ITFG1: variants seen among roughly 807,000 people sequenced by gnomAD.
The protein encoded by ITFG1 is T-cell immunomodulatory protein.
ITFG1 carries 34 observed loss-of-function variants against 81.8 expected under a neutral mutation model. That is an observed-to-expected ratio of 0.42 (90% CI 0.32 to 0.55). The LOEUF (loss-of-function observed/expected upper bound fraction) is 0.55, where lower values mean the gene tolerates loss of function less well. Ranked by LOEUF, ITFG1 falls within the 20% of genes least tolerant of loss-of-function variation. ITFG1 has a pLI of 0.17. For synonymous variants in ITFG1, 285 were observed against 270.6 expected, an observed-to-expected ratio of 1.05 and a Z score of -0.52; for missense variants, 672 against 755.4, an observed-to-expected ratio of 0.89 and a Z score of 1.29.
chr16:47,215,997 T>G (rs1965620185), intron 14 of ITFG1, among the ~76,000 whole-genome samples: 1 of 152,218 alleles, frequency 6.6e-6, no homozygotes, highest in African/African-American at 2.4e-5. Context: ...AACAGGTAAA[T>G]ATTAGATATG....
At chr16:47,344,913 T>C (rs1428741258) in intron 8 of ITFG1, among the ~76,000 whole-genome samples, 4 of 152,264 alleles carry the variant, frequency 2.6e-5, no homozygotes, top group Admixed American at 6.5e-5. Flanking sequence ...TTCTTTTTTA[T>C]GACTGAATAG....
chr16:47,368,339 G>A (rs888990590), intron 7 of ITFG1, among the ~76,000 whole-genome samples: 6 of 151,156 alleles, frequency 4.0e-5, no homozygotes, highest in African/African-American at 1.5e-4. Flanking sequence ...ATCACTTGAG[G>A]TTAGGAGATC....
chr16:47,405,483 G>A (rs1157498393), intron 6 of ITFG1, among the ~76,000 whole-genome samples: 1 of 151,980 alleles, frequency 6.6e-6, no homozygotes, highest in Non-Finnish European at 1.5e-5. Context: ...TTCCTTCTTT[G>A]TTTAAGAGCC....
At chr16:47,425,999 G>A (rs372484735) in intron 6 of ITFG1, 3 of 152,136 alleles carry the variant, frequency 2.0e-5, no homozygotes, top group African/African-American at 7.2e-5. Flanking sequence ...TTCTGTACTG[G>A]TAACATTTAC....
At chr16:47,239,607 C>T (rs1024119693) in intron 12 of ITFG1, among the ~76,000 whole-genome samples, 3 of 151,956 alleles carry the variant, frequency 2.0e-5, no homozygotes, top group Non-Finnish European at 4.4e-5. Flanking sequence ...AAAGAGAATA[C>T]CTGTTCATTT....
At chr16:47,180,305 G>C (rs1456279180) in intron 14 of ITFG1, among the ~76,000 whole-genome samples, 1 of 152,074 alleles carries the variant, frequency 6.6e-6, no homozygotes, top group African/African-American at 2.4e-5. Flanking sequence ...TAATGGGCTT[G>C]AACAAACGTG....
intron 13 of ITFG1, among the ~76,000 whole-genome samples, chr16:47,222,649 G>A (rs1965707796): frequency 2.6e-5 from 4 of 152,074 alleles, no homozygotes; most frequent in African/African-American, 4.8e-5. Context: ...TCCTGACCTC[G>A]TGATCCGCCT....
At chr16:47,318,116 CA>C (rs545148004) in intron 8 of ITFG1, among the ~76,000 whole-genome samples, 2,718 of 147,054 alleles carry the variant, frequency 0.018, 29 homozygotes, top group Non-Finnish European at 0.025. Context: ...CTTAAGAAAC[CA>C]AAAAAAAAAG....
At chr16:47,170,146 T>A (rs1370138272) in intron 14 of ITFG1, among the ~76,000 whole-genome samples, 1 of 152,234 alleles carries the variant, frequency 6.6e-6, no homozygotes. Flanking sequence ...TGTAGCTTTC[T>A]TGTAGTATCT....
intron 8 of ITFG1, among the ~76,000 whole-genome samples, chr16:47,335,413 A>G (rs1967691318): frequency 6.6e-6 from 1 of 152,132 alleles, no homozygotes; most frequent in African/African-American, 2.4e-5. Flanking sequence ...CAAAACAACA[A>G]AAAACCCTAC....
intron 8 of ITFG1, among the ~76,000 whole-genome samples, chr16:47,344,519 T>G (rs1229379253): frequency 6.6e-6 from 1 of 152,226 alleles, no homozygotes; most frequent in Admixed American, 6.5e-5. Context: ...TGTTAAAAAC[T>G]TAAAATAATT....
intron 14 of ITFG1, among the ~76,000 whole-genome samples, chr16:47,181,522 C>T (rs1596789723): frequency 6.9e-6 from 1 of 143,968 alleles, no homozygotes; most frequent in Non-Finnish European, 1.5e-5. Context: ...GCCCCCCCAC[C>T]CGGCCAGCCT....
At chr16:47,402,646 G>T (rs1260485468) in intron 6 of ITFG1, among the ~76,000 whole-genome samples, 1 of 152,166 alleles carries the variant, frequency 6.6e-6, no homozygotes, top group Non-Finnish European at 1.5e-5. Context: ...ATGCCCAGTT[G>T]ACTAAAATGA....
intron 6 of ITFG1, among the ~76,000 whole-genome samples, chr16:47,411,458 G>C (rs1185723926): frequency 2.6e-5 from 4 of 152,136 alleles, no homozygotes; most frequent in African/African-American, 9.7e-5. Flanking sequence ...CTGTCTTGCT[G>C]AGTGACAAAA....
chr16:47,261,007 C>T lies in ITFG1; in HGVS notation c.1071-312G>A, dbSNP rs183840337. 5.2e-4 allele frequency among the ~76,000 whole-genome samples: 79 copies of T among 152,314 alleles called. 2 individuals are homozygous for T. Among genetic ancestry groups the T allele is most frequent in the Admixed American group, 5.0e-3 (77 of 15,294 alleles). On this transcript the variant is annotated intron_variant, in intron 10 of 17. Transcript: ENST00000320640. ...GTTATTGACCCTCAGTTCCTGCACA[C>T]TGTCATTATCTGTTTAGATGTGTAT...
intron 14 of ITFG1, among the ~76,000 whole-genome samples, chr16:47,177,876 T>C (rs1172983093): frequency 6.6e-6 from 1 of 152,190 alleles, no homozygotes; most frequent in African/African-American, 2.4e-5. Flanking sequence ...CTAATTCCTA[T>C]ATATAGAGTA....
At chr16:47,247,700 C>T (rs934887321) in intron 12 of ITFG1, among the ~76,000 whole-genome samples, 4 of 151,744 alleles carry the variant, frequency 2.6e-5, no homozygotes, top group African/African-American at 9.7e-5. Flanking sequence ...TTATAAAAAC[C>T]TCTAAACTGG....
rs559484743 is a variant in ITFG1, at chr16:47,328,088, T to C, written c.803-14265A>G. 9.3e-4 allele frequency among the ~76,000 whole-genome samples: 142 copies of C among 152,178 alleles called. 3 individuals are homozygous for C. The highest frequency in any genetic ancestry group is 7.8e-3 in the Admixed American group (119 of 15,276). On this transcript the variant is annotated intron_variant, in intron 8 of 17. Coordinates refer to ENST00000320640, the MANE Select transcript of ITFG1 (RefSeq NM_030790.5). ...AACCAACCCAAATGTCCAACAATGA[T>C]AGATTGGATTAAGAAAATGTGGCAC...
At chr16:47,183,934 G>A (rs1965171113) in intron 14 of ITFG1, among the ~76,000 whole-genome samples, 2 of 152,300 alleles carry the variant, frequency 1.3e-5, no homozygotes, top group South Asian at 4.1e-4. Flanking sequence ...ATACAGAGAA[G>A]TGCTTAAAGG....
Sources: allele counts gnomAD v4.1 joint callset (sites outside exome capture counted in the v4.1 genomes callset), GRCh38; gene constraint gnomAD v4.1.1; transcripts MANE v1.5; gene names NCBI Gene and HGNC (gene_info 2026-07-23, HGNC 2026-07-21).